Variants in MGAT4C observed in about 807,000 individuals in gnomAD.
MGAT4C encodes the protein MGAT4 family member C.
MGAT4C carries 19 observed loss-of-function variants against 40.1 expected under a neutral mutation model. The ratio of observed to expected loss-of-function variants is 0.47; its 90% CI spans 0.33 to 0.70. The LOEUF is 0.70. MGAT4C is among the 30% of genes least tolerant of loss of function. MGAT4C has a pLI of 0.02. For synonymous variants in MGAT4C, 181 were observed against 187.1 expected (o/e 0.97, Z 0.27); for missense variants, 491 against 563.2 (o/e 0.87, Z 1.30).
At chr12:86,615,765 C>T (rs1340527068) in intron 2 of MGAT4C, among the ~76,000 whole-genome samples, 1 of 151,994 alleles carries the variant, frequency 6.6e-6, no homozygotes, top group Non-Finnish European at 1.5e-5. Context: ...GGAGAGATGA[C>T]ATTTTAGTAT....
At chr12:86,326,237 A>G (rs1343850910) in intron 4 of MGAT4C, among the ~76,000 whole-genome samples, 1 of 151,974 alleles carries the variant, frequency 6.6e-6, no homozygotes, top group Non-Finnish European at 1.5e-5. Context: ...TGGTGACTAT[A>G]GTTAATAATG....
At position 86,251,131 on chromosome 12, in the gene MGAT4C, GTTT is replaced by G. The variant is rs5799770; in HGVS notation, c.-57+5105_-57+5107del. On this transcript the variant is annotated intron_variant, in intron 1 of 4. Coordinates refer to ENST00000611864, the MANE Select transcript of MGAT4C (RefSeq NM_001351288.2). ...TACGAGGTAGGTACTTTTATTTCCC[GTTT>G]TTTTTTTTTTTTTTTATTATGAAGG... Among the ~76,000 whole-genome samples, 311 of 138,078 alleles carry G rather than the reference GTTT, an allele frequency of 2.3e-3. 1 individual carries two copies. The East Asian group carries it at 0.028, about 13-fold the overall frequency. The allele number at this position is 138,078 out of a possible 152,430, so 90.6% of individuals were successfully genotyped here. A position where few individuals can be genotyped will look rare whatever the true frequency, so the allele number is the denominator to read the frequency against.
At chr12:86,701,227 G>A (rs1950357837) in intron 2 of MGAT4C, among the ~76,000 whole-genome samples, 1 of 151,912 alleles carries the variant, frequency 6.6e-6, no homozygotes. Flanking sequence ...TTCACTTGTA[G>A]ATGTTACTTT....
chr12:86,154,407 G>A (rs1445273223), intron 1 of MGAT4C, among the ~76,000 whole-genome samples: 2 of 152,164 alleles, frequency 1.3e-5, no homozygotes, highest in African/African-American at 4.8e-5. Context: ...GCCTTTCAGG[G>A]TCCCTCAGCT....
chr12:86,448,228 T>C (rs1444718278), intron 2 of MGAT4C, among the ~76,000 whole-genome samples: 1 of 152,142 alleles, frequency 6.6e-6, no homozygotes, highest in Non-Finnish European at 1.5e-5. Flanking sequence ...TTCCTGATCA[T>C]TTGTACACTT....
At chr12:86,674,046 G>A (rs939656050) in intron 2 of MGAT4C, among the ~76,000 whole-genome samples, 44 of 151,804 alleles carry the variant, frequency 2.9e-4, no homozygotes, top group Non-Finnish European at 1.3e-4. Flanking sequence ...TAAAATAAAC[G>A]TTTACAAGTT....
intron 3 of MGAT4C, among the ~76,000 whole-genome samples, chr12:86,383,203 C>T (rs947188696): frequency 6.6e-6 from 1 of 152,136 alleles, no homozygotes; most frequent in Non-Finnish European, 1.5e-5. Context: ...CCTGCATCAG[C>T]GTGACCTGGA....
At chr12:86,054,072 C>G (rs1051902374) in intron 1 of MGAT4C, among the ~76,000 whole-genome samples, 16 of 151,936 alleles carry the variant, frequency 1.1e-4, no homozygotes, top group Admixed American at 3.3e-4. Flanking sequence ...ACCTTATGAT[C>G]TAGCCATCCC....
At chr12:86,258,304 T>A (rs1592605511), upstream of MGAT4C, among the ~76,000 whole-genome samples, 1 of 143,048 alleles carries the variant, frequency 7.0e-6, no homozygotes, top group East Asian at 1.9e-4. Flanking sequence ...TCTATCTATC[T>A]ATCTATCTAT....
At chr12:86,515,079 G>A (rs1353495831) in intron 2 of MGAT4C, among the ~76,000 whole-genome samples, 1 of 152,156 alleles carries the variant, frequency 6.6e-6, no homozygotes, top group Non-Finnish European at 1.5e-5. Context: ...ATATTCACGA[G>A]TTCTGGGAAT....
chr12:86,393,093 G>A (rs1956186610), intron 3 of MGAT4C, among the ~76,000 whole-genome samples: 2 of 151,904 alleles, frequency 1.3e-5, no homozygotes, highest in Non-Finnish European at 2.9e-5. Context: ...ATCTTTCCAG[G>A]TTTTTGAAAA....
intron 3 of MGAT4C, among the ~76,000 whole-genome samples, chr12:86,340,877 C>T (rs1469507960): frequency 6.6e-6 from 1 of 152,134 alleles, no homozygotes; most frequent in African/African-American, 2.4e-5. Flanking sequence ...AGGTTACTCT[C>T]TCACCTTAAG....
At position 86,356,778 on chromosome 12, in the gene MGAT4C, G is replaced by T. The variant is rs549767183; in HGVS notation, c.-119-22651C>A. ...AGGTGGCAGTGAGGCTGGGGGAGAG[G>T]GGTTGGCCATTGCTGAGGATTGAGT... On this transcript the variant is annotated intron_variant, in intron 3 of 7. Transcript: ENST00000548651. Among the ~76,000 whole-genome samples, 3 of 151,938 alleles carry T rather than the reference G, an allele frequency of 2.0e-5. No homozygotes were observed. The South Asian group carries it at 6.3e-4, about 32-fold the overall frequency.
rs1027366641 is a variant in MGAT4C at position 86,565,295 on chromosome 12, A to G, written c.-228-130030T>C. 2.6e-5 allele frequency among the ~76,000 whole-genome samples: 4 copies of G among 152,032 alleles called. No individual in the cohort carries two copies. In the South Asian group the frequency reaches 8.3e-4, roughly 32 times the overall value. On this transcript the variant is annotated intron_variant, in intron 2 of 7. Transcript: ENST00000548651. Reference sequence around the variant, plus strand: ...AGTGGCTCAAATGCCCATGGTCCCCACTCCTACCACCCTGCCTTCTCTCTC... The same window carrying G: ...AGTGGCTCAAATGCCCATGGTCCCCGCTCCTACCACCCTGCCTTCTCTCTC...
intron 2 of MGAT4C, among the ~76,000 whole-genome samples, chr12:86,020,497 A>G (rs1161738328): frequency 6.6e-6 from 1 of 152,198 alleles, no homozygotes; most frequent in Admixed American, 6.5e-5. Context: ...AGGATTCCCT[A>G]TTTAATAAAT....
At chr12:86,767,413 A>C (rs1207283103) in intron 1 of MGAT4C, among the ~76,000 whole-genome samples, 3 of 152,214 alleles carry the variant, frequency 2.0e-5, no homozygotes, top group Non-Finnish European at 2.9e-5. Flanking sequence ...AGATGGATTC[A>C]CAGCTGAATT....
Position 86,564,127 on chromosome 12 carries a change from C to A in MGAT4C, c.-228-128862G>T, listed in dbSNP as rs770907897. 2.1e-4 allele frequency among the ~76,000 whole-genome samples: 32 copies of A among 152,244 alleles called. 1 individual carries two copies. In the Middle Eastern group the frequency reaches 0.02, roughly 97 times the overall value. The stretch of plus-strand genomic sequence containing the variant: ...TGATTCCCGCCATATCCCCATTCAA[C>A]TCTCCTATTTGGCCTGTGCAGAAGA... On this transcript the variant is annotated intron_variant, in intron 2 of 7. Coordinates refer to the MGAT4C transcript ENST00000548651.
At chr12:86,693,341 C>T (rs1463819748) in intron 2 of MGAT4C, among the ~76,000 whole-genome samples, 1 of 152,098 alleles carries the variant, frequency 6.6e-6, no homozygotes, top group Non-Finnish European at 1.5e-5. Flanking sequence ...TATTTTTTCT[C>T]TAATAATATA....
At chr12:86,536,775 T>G (rs1959076912) in intron 2 of MGAT4C, among the ~76,000 whole-genome samples, 3 of 152,018 alleles carry the variant, frequency 2.0e-5, no homozygotes, top group African/African-American at 7.2e-5. Flanking sequence ...AAATTAAAAT[T>G]TAAAAATCAA....
Sources: allele counts gnomAD v4.1 joint callset (sites outside exome capture counted in the v4.1 genomes callset), GRCh38; gene constraint gnomAD v4.1.1; transcripts MANE v1.5; gene names NCBI Gene and HGNC (gene_info 2026-07-23, HGNC 2026-07-21).